MCPH1: variants seen among roughly 807,000 people sequenced by gnomAD.
The protein encoded by MCPH1 is microcephalin 1, also known as microcephalin.
Under a neutral mutation model 84.5 loss-of-function variants are expected in MCPH1, and 104 were observed. The observed-to-expected ratio is 1.23, with a 90% CI of 1.05 to 1.45. The LOEUF is 1.45. MCPH1 is among the 40% of genes most tolerant of loss of function. The probability of loss-of-function intolerance (pLI) is 0.00; values close to 1 mark genes in which losing one functional copy is unlikely to be tolerated. For synonymous variants in MCPH1, 514 were observed against 366.8 expected (o/e 1.40, Z -4.58); for missense variants, 1,498 against 1,005.7 (o/e 1.49, Z -6.62).
Position 6,419,152 on chromosome 8 carries a change from G to GACACAC in MCPH1, c.233+4300_233+4305dup, listed in dbSNP as rs1177481281. On this transcript the variant is annotated intron_variant, in intron 3 of 13. Transcript: ENST00000344683. ...ATACACACACACACACACACACACA[G>GACACAC]ACACACACACACACACACACACACA... Among the ~76,000 whole-genome samples, 138 of 59,338 alleles carry GACACAC rather than the reference G, an allele frequency of 2.3e-3. 1 individual carries two copies. Among genetic ancestry groups the GACACAC allele is most frequent in the African/African-American group, 6.0e-3 (128 of 21,310 alleles). 38.9% of individuals were successfully genotyped at this position (59,338 alleles called of 152,430 possible).
At chr8:6,417,852 G>A (rs1386108487) in intron 3 of MCPH1, among the ~76,000 whole-genome samples, 1 of 152,086 alleles carries the variant, frequency 6.6e-6, no homozygotes, top group East Asian at 1.9e-4. Context: ...TCTTCATATG[G>A]CAAATAATTT....
chr8:6,643,204 T>C lies in MCPH1; in HGVS notation c.*155T>C, dbSNP rs1030496942. On this transcript the variant is annotated 3_prime_UTR_variant, in exon 14 of 14. Transcript: ENST00000344683. ...ATGTGTTGTGGTTCTTAAGAACTCA[T>C]AGGTGACTTTCTGATGACTGAATGT... 6 of 711,890 alleles carry C rather than the reference T, an allele frequency of 8.4e-6. No individual in the cohort carries two copies. The highest frequency in any genetic ancestry group is 5.3e-5 in the African/African-American group (3 of 57,118). 44.1% of individuals were successfully genotyped at this position (711,890 alleles called of 1,614,324 possible). A position where few individuals can be genotyped will look rare whatever the true frequency, so the allele number is the denominator to read the frequency against.
In MCPH1 at chr8:6,527,410, C is replaced by G. The variant is rs575366112; in HGVS notation, c.2214+27481C>G. The G allele has an allele frequency of 9.9e-5, 95 of 960,444 alleles. No homozygotes were observed. In the Middle Eastern group the frequency reaches 3.2e-3, roughly 32 times the overall value. 59.5% of individuals were successfully genotyped at this position (960,444 alleles called of 1,614,324 possible). A position where few individuals can be genotyped will look rare whatever the true frequency, so the allele number is the denominator to read the frequency against. On this transcript the variant is annotated intron_variant, in intron 12 of 13. Transcript: ENST00000344683. The stretch of plus-strand genomic sequence containing the variant: ...TGTGCAGGAATTTTCTCCAAGCCCT[C>G]TCCCTTCTCCTCCCTCATGAGGTTT...
At chr8:6,406,757 C>A in intron 1 of MCPH1, 68 bp downstream of exon 1, 1 of 1,563,870 alleles carries the variant, frequency 6.4e-7, no homozygotes, top group Non-Finnish European at 8.8e-7. Context: ...GTCGCGGGCG[C>A]ACTCGGGGGA....
intron 3 of MCPH1, among the ~76,000 whole-genome samples, chr8:6,426,896 A>C (rs1457360786): frequency 6.6e-6 from 1 of 152,192 alleles, no homozygotes; most frequent in African/African-American, 2.4e-5. Flanking sequence ...AAAGTATACA[A>C]TTCAGTGGTT....
At chr8:6,546,610 C>G (rs1290121801) in intron 12 of MCPH1, among the ~76,000 whole-genome samples, 1 of 152,062 alleles carries the variant, frequency 6.6e-6, no homozygotes. Context: ...AACATAAATA[C>G]TTAAATTATT....
chr8:6,460,398 A>G (rs1165784658), intron 9 of MCPH1, among the ~76,000 whole-genome samples: 1 of 151,564 alleles, frequency 6.6e-6, no homozygotes, highest in Non-Finnish European at 1.5e-5. Context: ...TATTTTTTGT[A>G]GAGATGGGGG....
At chr8:6,445,668 A>G (rs1804245312) in intron 8 of MCPH1, 121 bp downstream of exon 8, 1 of 1,454,030 alleles carries the variant, frequency 6.9e-7, no homozygotes, top group South Asian at 1.5e-5. Context: ...CTTTTTACTT[A>G]AAGAATGTGC....
At chr8:6,423,011 C>G (rs148208056) in intron 3 of MCPH1, among the ~76,000 whole-genome samples, 23 of 150,822 alleles carry the variant, frequency 1.5e-4, no homozygotes, top group Non-Finnish European at 2.7e-4. Context: ...TTAGGAGAGA[C>G]AGGGTTTCAC....
At chr8:6,478,682 C>T (rs1251652067) in intron 10 of MCPH1, among the ~76,000 whole-genome samples, 1 of 152,152 alleles carries the variant, frequency 6.6e-6, no homozygotes, top group African/African-American at 2.4e-5. Flanking sequence ...CAGCTGCCAG[C>T]CTCAGGATGG....
intron 13 of MCPH1, among the ~76,000 whole-genome samples, chr8:6,640,200 G>T (rs191132308): frequency 6.6e-6 from 1 of 151,856 alleles, no homozygotes; most frequent in Admixed American, 6.6e-5. Flanking sequence ...ATTCTAGTCC[G>T]AGCCCAGGCT....
At chr8:6,489,233 G>C (rs1284583231) in intron 11 of MCPH1, among the ~76,000 whole-genome samples, 5 of 152,120 alleles carry the variant, frequency 3.3e-5, no homozygotes, top group Non-Finnish European at 7.3e-5. Context: ...TACCTGGAAG[G>C]GAGTGTGAAT....
intron 8 of MCPH1, among the ~76,000 whole-genome samples, chr8:6,453,580 CAG>C (rs1805330645): frequency 6.6e-6 from 1 of 152,160 alleles, no homozygotes; most frequent in African/African-American, 2.4e-5. Flanking sequence ...GACTCAATAA[CAG>C]AGCACTACGT....
At chr8:6,430,435 C>G (rs1801676408) in intron 3 of MCPH1, among the ~76,000 whole-genome samples, 2 of 152,198 alleles carry the variant, frequency 1.3e-5, no homozygotes, top group South Asian at 2.1e-4. Context: ...ATAGTATTGA[C>G]TTTACACACC....
Position 6,594,340 on chromosome 8 carries a change from G to A in MCPH1, c.2215-27114G>A, listed in dbSNP as rs572842185. Among the ~76,000 whole-genome samples, 4 of 152,344 alleles carry A rather than the reference G, an allele frequency of 2.6e-5. No individual in the cohort carries two copies. The South Asian group carries it at 8.3e-4, about 32-fold the overall frequency. On this transcript the variant is annotated intron_variant, in intron 12 of 13. Coordinates refer to ENST00000344683, the MANE Select transcript of MCPH1 (RefSeq NM_024596.5). ...TACCCAGGGCACCTCTGGACCCTGGGAGTCACAGCTGTGGAATTTTACTGG... is the reference window on the plus strand; with the variant it reads ...TACCCAGGGCACCTCTGGACCCTGGAAGTCACAGCTGTGGAATTTTACTGG...
chr8:6,619,785 C>A (rs1244860628), intron 12 of MCPH1, among the ~76,000 whole-genome samples: 3 of 152,058 alleles, frequency 2.0e-5, no homozygotes, highest in African/African-American at 7.2e-5. Context: ...AGGGTTTCAC[C>A]ATGTTAGCCA....
intron 12 of MCPH1, among the ~76,000 whole-genome samples, chr8:6,515,014 T>C (rs1049761493): frequency 4.6e-5 from 7 of 152,234 alleles, no homozygotes; most frequent in Non-Finnish European, 8.8e-5. Context: ...AAAGTGTTGA[T>C]GAGAATATGA....
chr8:6,597,304 C>T (rs775644505), intron 12 of MCPH1, among the ~76,000 whole-genome samples: 12 of 152,302 alleles, frequency 7.9e-5, no homozygotes, highest in Non-Finnish European at 1.6e-4. Context: ...AGGACACAGG[C>T]AAGCCCCAGC....
At chr8:6,527,958 T>C (rs1371403348) in intron 12 of MCPH1, among the ~76,000 whole-genome samples, 1 of 148,622 alleles carries the variant, frequency 6.7e-6, no homozygotes, top group Non-Finnish European at 1.5e-5. Context: ...TGCAGTGGCA[T>C]GATCTCGGCT....
Sources: allele counts gnomAD v4.1 joint callset (sites outside exome capture counted in the v4.1 genomes callset), GRCh38; gene constraint gnomAD v4.1.1; transcripts MANE v1.5; gene names NCBI Gene and HGNC (gene_info 2026-07-23, HGNC 2026-07-21).